Variants in ARB2A observed in about 807,000 individuals in gnomAD.
ARB2A encodes cotranscriptional regulator ARB2A.
the ARB2A span, among the ~76,000 whole-genome samples, chr5:93,882,689 T>C: frequency 1.7e-4 from 26 of 151,404 alleles, 1 homozygote; most frequent in African/African-American, 4.4e-4. Flanking sequence ...ATATATCTTG[T>C]CTTTTCTATT....
chr5:93,826,262 A>G, the ARB2A span, among the ~76,000 whole-genome samples: 2 of 152,264 alleles, frequency 1.3e-5, no homozygotes, highest in Non-Finnish European at 2.9e-5. Flanking sequence ...AAGCTTGAAC[A>G]CTAAAAGACT....
chr5:93,908,814 T>C, the ARB2A span, among the ~76,000 whole-genome samples: 11 of 150,990 alleles, frequency 7.3e-5, no homozygotes, highest in African/African-American at 2.4e-4. Flanking sequence ...TGAGGTGTTA[T>C]TTCACTTAAA....
chr5:93,732,960 A>G, the ARB2A span, among the ~76,000 whole-genome samples: 2 of 152,052 alleles, frequency 1.3e-5, no homozygotes, highest in Admixed American at 6.6e-5. Context: ...TCTTCTAAAA[A>G]TGGTATAAAG....
the ARB2A span, among the ~76,000 whole-genome samples, chr5:94,052,919 C>T: frequency 7.9e-5 from 12 of 152,148 alleles, no homozygotes; most frequent in African/African-American, 2.9e-4. Flanking sequence ...TTACTTGTTA[C>T]TTGGTTCTTT....
chr5:93,680,974 T>C, the ARB2A span, among the ~76,000 whole-genome samples: 1 of 152,210 alleles, frequency 6.6e-6, no homozygotes, highest in Non-Finnish European at 1.5e-5. Context: ...AGTGATATGT[T>C]TATGAATAGG....
the ARB2A span, among the ~76,000 whole-genome samples, chr5:93,928,021 T>A: frequency 6.6e-6 from 1 of 151,952 alleles, no homozygotes; most frequent in South Asian, 2.1e-4. Flanking sequence ...ATATTTGGAA[T>A]ACAACTTTTA....
chr5:93,874,449 AC>A, the ARB2A span, among the ~76,000 whole-genome samples: 3 of 152,194 alleles, frequency 2.0e-5, no homozygotes, highest in Non-Finnish European at 4.4e-5. Flanking sequence ...GTTAGTAAAC[AC>A]ACTGATGTGC....
At chr5:93,638,028 A>G in the ARB2A span, among the ~76,000 whole-genome samples, 1 of 152,248 alleles carries the variant, frequency 6.6e-6, no homozygotes, top group South Asian at 2.1e-4. Context: ...TTAGAATTCT[A>G]AATATATTCT....
At chr5:93,799,250 A>G in the ARB2A span, among the ~76,000 whole-genome samples, 1 of 152,102 alleles carries the variant, frequency 6.6e-6, no homozygotes, top group African/African-American at 2.4e-5. Context: ...ATTCAAGATA[A>G]TAATTTATTT....
the ARB2A span, among the ~76,000 whole-genome samples, chr5:93,998,076 C>G: frequency 6.6e-6 from 1 of 151,700 alleles, no homozygotes. Flanking sequence ...GTTCAAGGAA[C>G]AACTTGTGCA....
the ARB2A span, among the ~76,000 whole-genome samples, chr5:93,742,632 C>T: frequency 6.6e-6 from 1 of 152,248 alleles, no homozygotes; most frequent in African/African-American, 2.4e-5. Context: ...TTAAACCAAC[C>T]ATGATGTGGC....
At chr5:93,927,536 T>C in the ARB2A span, among the ~76,000 whole-genome samples, 1 of 152,188 alleles carries the variant, frequency 6.6e-6, no homozygotes, top group South Asian at 2.1e-4. Context: ...TTATAGGTCT[T>C]GCTCTCTGTG....
the ARB2A span, among the ~76,000 whole-genome samples, chr5:93,686,848 A>G: frequency 6.6e-6 from 1 of 151,862 alleles, no homozygotes; most frequent in African/African-American, 2.4e-5. Flanking sequence ...ATCATTTAAA[A>G]GTTAAAAAAA....
chr5:94,055,808 T>C, the ARB2A span: 2 of 985,432 alleles, frequency 2.0e-6, no homozygotes, highest in Non-Finnish European at 2.4e-6. Context: ...TCATCTACAA[T>C]TCAAAACTTA....
At chr5:93,918,430 C>CT in the ARB2A span, among the ~76,000 whole-genome samples, 2,311 of 107,334 alleles carry the variant, frequency 0.022, 68 homozygotes, top group African/African-American at 0.052. Context: ...TTCCAAATTT[C>CT]TTTTTTTTTT....
At chr5:93,838,731 TG>T in the ARB2A span, among the ~76,000 whole-genome samples, 2 of 152,144 alleles carry the variant, frequency 1.3e-5, no homozygotes, top group Non-Finnish European at 2.9e-5. Flanking sequence ...AGCAGTATAT[TG>T]TAATTCTCAT....
At chr5:94,082,222 T>C in the ARB2A span, among the ~76,000 whole-genome samples, 1 of 152,156 alleles carries the variant, frequency 6.6e-6, no homozygotes, top group African/African-American at 2.4e-5. Flanking sequence ...GAAAACCTGG[T>C]AGAAGCACTA....
chr5:93,865,618 CTTTA>C, the ARB2A span: 47 of 985,360 alleles, frequency 4.8e-5, no homozygotes, highest in Non-Finnish European at 5.7e-5. Context: ...GGGCTAACAT[CTTTA>C]TTTAATCTGG....
At chr5:93,892,585 T>TGG in the ARB2A span, among the ~76,000 whole-genome samples, 2 of 150,798 alleles carry the variant, frequency 1.3e-5, no homozygotes, top group Admixed American at 1.3e-4. Flanking sequence ...ATACTACCTC[T>TGG]GGGGGGGGGA....
Sources: allele counts gnomAD v4.1 joint callset (sites outside exome capture counted in the v4.1 genomes callset), GRCh38; gene constraint gnomAD v4.1.1; transcripts MANE v1.5; gene names NCBI Gene and HGNC (gene_info 2026-07-23, HGNC 2026-07-21).